ATG13: variants seen among roughly 807,000 people sequenced by gnomAD.
ATG13 encodes the protein autophagy-related protein 13.
A neutral mutation model predicts 65.5 loss-of-function variants in ATG13; 23 were observed. The observed-to-expected ratio is 0.35, with a 90% CI of 0.25 to 0.50. The LOEUF (loss-of-function observed/expected upper bound fraction) is 0.50, where lower values mean the gene tolerates loss of function less well. ATG13 is among the 20% of genes least tolerant of loss of function. The pLI, the probability that ATG13 is intolerant of heterozygous loss-of-function variation, is 0.98. For synonymous variants in ATG13, 252 were observed against 245.2 expected, an observed-to-expected ratio of 1.03 and a Z score of -0.26; for missense variants, 566 against 677.0, an observed-to-expected ratio of 0.84 and a Z score of 1.82.
chr11:46,656,176 T>C, intron 7 of ATG13, 57 bp from the exon 8 acceptor site: 1 of 1,512,736 alleles, frequency 6.6e-7, no homozygotes, highest in Non-Finnish European at 9.1e-7. Context: ...GTTTTGGCTA[T>C]AGAGGCCCTT....
chr11:46,672,853 C>G lies in ATG13; in HGVS notation c.*521C>G. The G allele has an allele frequency of 8.6e-7, 1 of 1,163,148 alleles. No individual in the cohort carries two copies. The highest frequency in any genetic ancestry group is 1.5e-5 in the South Asian group (1 of 68,194). The allele number at this position is 1,163,148 out of a possible 1,614,324, so 72.1% of individuals were successfully genotyped here. On this transcript the variant is annotated 3_prime_UTR_variant, in exon 19 of 19. Coordinates refer to ENST00000683050, the MANE Select transcript of ATG13 (RefSeq NM_001346311.2). ...TGTCCCCTTTACTTCCTGCTATCTT[C>G]TTCTCCTCTTCTTCTCTCTCTTGCC...
intron 2 of ATG13, among the ~76,000 whole-genome samples, chr11:46,632,042 T>A (rs1304382483): frequency 6.6e-6 from 1 of 152,212 alleles, no homozygotes; most frequent in Non-Finnish European, 1.5e-5. Flanking sequence ...TAGTTTTTAT[T>A]ACTCAACTGT....
In ATG13 at chr11:46,672,562, G is replaced by A; in HGVS notation, c.*230G>A. Reference sequence around the variant, plus strand: ...AGACTCACGTGCTGGCCTTGGAGATGGGAAGAACCTTCGTACGAAAAAGCC... The same window carrying A: ...AGACTCACGTGCTGGCCTTGGAGATAGGAAGAACCTTCGTACGAAAAAGCC... On this transcript the variant is annotated 3_prime_UTR_variant, in exon 19 of 19. Coordinates refer to ENST00000683050, the MANE Select transcript of ATG13 (RefSeq NM_001346311.2). The A allele has an allele frequency of 7.0e-7, 1 of 1,438,624 alleles. No individual in the cohort carries two copies. Among genetic ancestry groups the A allele is most frequent in the South Asian group, 1.3e-5 (1 of 76,054 alleles). 89.1% of individuals were successfully genotyped at this position (1,438,624 alleles called of 1,614,324 possible).
chr11:46,643,388 A>G (rs1343969332), intron 2 of ATG13, among the ~76,000 whole-genome samples: 1 of 152,158 alleles, frequency 6.6e-6, no homozygotes, highest in Non-Finnish European at 1.5e-5. Context: ...TGTTTTAAAC[A>G]TGACACCCCT....
At position 46,664,944 on chromosome 11, in the gene ATG13, T is replaced by A. The variant is rs542171017; in HGVS notation, c.984T>A (p.Ala328=). The change falls in exon 13 of 19, where the codon GCT becomes GCA. Residue 328 remains alanine, a synonymous_variant. Coordinates refer to ENST00000683050, the MANE Select transcript of ATG13 (RefSeq NM_001346311.2). ...TAGTGTTTGCTGCTGGCTTAAATGC[T>A]ACACACCCTCACCAGGTATCTTTAA... ...YPVVFAAGLN[A]THPHQLMVPG... The A allele has an allele frequency of 1.9e-5, 30 of 1,613,816 alleles. No homozygotes were observed. In the South Asian group the frequency reaches 3.3e-4, roughly 18 times the overall value.
At chr11:46,619,550 A>G (rs1346419956) in intron 1 of ATG13, among the ~76,000 whole-genome samples, 1 of 151,342 alleles carries the variant, frequency 6.6e-6, no homozygotes, top group Non-Finnish European at 1.5e-5. Context: ...ACGCCCAGCT[A>G]ATTTTGTATT....
At chr11:46,634,833 C>CT (rs939846949) in intron 2 of ATG13, among the ~76,000 whole-genome samples, 1 of 152,138 alleles carries the variant, frequency 6.6e-6, no homozygotes, top group African/African-American at 2.4e-5. Context: ...TCCCCAGTAG[C>CT]TGGGACTACA....
intron 18 of ATG13, among the ~76,000 whole-genome samples, chr11:46,670,291 G>T (rs963628935): frequency 5.3e-5 from 8 of 150,822 alleles, no homozygotes; most frequent in African/African-American, 2.0e-4. Context: ...GACCAGCCTG[G>T]CCAACATGGT....
intron 2 of ATG13, among the ~76,000 whole-genome samples, chr11:46,639,718 A>G (rs2055234852): frequency 6.6e-6 from 1 of 152,054 alleles, no homozygotes; most frequent in Non-Finnish European, 1.5e-5. Context: ...ATCATTGGTC[A>G]AAGTATGCAG....
chr11:46,659,772 T>G (rs898472850), intron 11 of ATG13: 1 of 292,652 alleles, frequency 3.4e-6, no homozygotes. Context: ...ACACCAGAGA[T>G]TTTGTCTAAC....
At chr11:46,669,322 T>C in intron 17 of ATG13, 82 bp from the exon 18 acceptor site, 1 of 1,522,980 alleles carries the variant, frequency 6.6e-7, no homozygotes, top group Non-Finnish European at 9.0e-7. Flanking sequence ...CTTTTGATAA[T>C]TGCTAGAAGG....
At chr11:46,658,435 C>T (rs755985739) in intron 10 of ATG13, among the ~76,000 whole-genome samples, 7 of 152,152 alleles carry the variant, frequency 4.6e-5, no homozygotes, top group Admixed American at 1.3e-4. Context: ...GTGGCTAACA[C>T]CTATAATCCC....
At chr11:46,642,410 A>G (rs142747605) in intron 2 of ATG13, among the ~76,000 whole-genome samples, 50 of 150,368 alleles carry the variant, frequency 3.3e-4, no homozygotes, top group African/African-American at 1.1e-3. Flanking sequence ...GGTTCAAGCA[A>G]TTCTCTTGCC....
intron 7 of ATG13, among the ~76,000 whole-genome samples, chr11:46,655,523 G>A (rs1426173585): frequency 6.6e-6 from 1 of 152,156 alleles, no homozygotes; most frequent in Non-Finnish European, 1.5e-5. Context: ...GCAGTGAGCC[G>A]AGATCATGCC....
chr11:46,649,684 TAGGAAAATTG>T (rs1219607532), intron 6 of ATG13, among the ~76,000 whole-genome samples: 1 of 152,186 alleles, frequency 6.6e-6, no homozygotes, highest in East Asian at 1.9e-4. Flanking sequence ...CAAGAGTATA[TAGGAAAATTG>T]AGGAAACATC....
At position 46,659,128 on chromosome 11, in the gene ATG13, A is replaced by C. The variant is rs559406636; in HGVS notation, c.696-264A>C. Among the ~76,000 whole-genome samples the C allele has an allele frequency of 3.9e-5, 6 of 152,310 alleles. No homozygotes were observed. In the East Asian group the frequency reaches 9.6e-4, roughly 24 times the overall value. ...TTGAGCCTGGGAAGGCTGCAGTGAG[A>C]CATGCCACAGCACTCTAGCCTGGGT... On this transcript the variant is annotated intron_variant, in intron 10 of 18. Coordinates refer to ENST00000683050, the MANE Select transcript of ATG13 (RefSeq NM_001346311.2).
At chr11:46,625,987 AGTCT>A (rs1272364996) in intron 1 of ATG13, among the ~76,000 whole-genome samples, 2 of 151,976 alleles carry the variant, frequency 1.3e-5, no homozygotes, top group Non-Finnish European at 2.9e-5. Flanking sequence ...TTTGAGACGG[AGTCT>A]GTCGCCCAGG....
intron 10 of ATG13, among the ~76,000 whole-genome samples, chr11:46,657,921 T>C (rs1418903047): frequency 6.6e-6 from 1 of 152,126 alleles, no homozygotes; most frequent in Non-Finnish European, 1.5e-5. Flanking sequence ...ATACAAAAAT[T>C]AGCTGGGCAT....
chr11:46,648,011 G>A (rs540327138), intron 5 of ATG13, among the ~76,000 whole-genome samples: 1 of 152,198 alleles, frequency 6.6e-6, no homozygotes, highest in African/African-American at 2.4e-5. Flanking sequence ...TTATAAGGCT[G>A]TATGGTATAA....
Sources: allele counts gnomAD v4.1 joint callset (sites outside exome capture counted in the v4.1 genomes callset), GRCh38; gene constraint gnomAD v4.1.1; transcripts MANE v1.5; gene names NCBI Gene and HGNC (gene_info 2026-07-23, HGNC 2026-07-21).